The following AMPH variants were observed in gnomAD, a reference collection of about 807,000 sequenced individuals.
The protein encoded by AMPH is amphiphysin (Stiff-Mann syndrome with breast cancer 128kD autoantigen).
Under a neutral mutation model 99.1 loss-of-function variants are expected in AMPH, and 49 were observed. The observed-to-expected ratio is 0.49, with a 90% confidence interval of 0.39 to 0.63. The LOEUF (loss-of-function observed/expected upper bound fraction) is 0.63. Among genes scored for constraint, AMPH ranks in the 20% least tolerant of loss-of-function variants. The probability of loss-of-function intolerance (pLI) is 0.00; values close to 1 mark genes in which losing one functional copy is unlikely to be tolerated. For missense variants in AMPH, 759 were observed against 863.4 expected (o/e 0.88, Z 1.52); for synonymous variants, 314 against 317.3 (o/e 0.99, Z 0.11).
intron 1 of AMPH, among the ~76,000 whole-genome samples, chr7:38,582,723 C>G (rs564931797): frequency 1.3e-5 from 2 of 152,278 alleles, no homozygotes; most frequent in Middle Eastern, 3.4e-3. Flanking sequence ...AGTAGACAGA[C>G]AGACATGCAT....
At position 38,432,216 on chromosome 7, in the gene AMPH, A is replaced by C. The variant is rs374480670; in HGVS notation, c.1135-4T>G. ...TCCATAGGTCCCAGGGCAATGTCTG[A>C]AAGCAAATAAACAAAAATACTGTTA... On this transcript the variant is annotated splice_region_variant and splice_polypyrimidine_tract_variant and intron_variant, in intron 12 of 20. Coordinates refer to ENST00000356264, the MANE Select transcript of AMPH (RefSeq NM_001635.4). 2 of 1,612,008 alleles carry C rather than the reference A, an allele frequency of 1.2e-6. No individual in the cohort carries two copies. The highest frequency in any genetic ancestry group is 1.7e-6 in the Non-Finnish European group (2 of 1,178,106).
At chr7:38,598,154 A>G (rs1793122802) in intron 1 of AMPH, among the ~76,000 whole-genome samples, 1 of 152,300 alleles carries the variant, frequency 6.6e-6, no homozygotes, top group Middle Eastern at 3.4e-3. Flanking sequence ...TATATTTGTA[A>G]TATTTTAATA....
At chr7:38,512,659 G>C (rs938204952) in intron 2 of AMPH, among the ~76,000 whole-genome samples, 3 of 152,160 alleles carry the variant, frequency 2.0e-5, no homozygotes, top group African/African-American at 7.2e-5. Flanking sequence ...TCCTCTAGGA[G>C]TGATTTCTTA....
intron 11 of AMPH, among the ~76,000 whole-genome samples, chr7:38,450,398 G>A (rs565306383): frequency 1.4e-4 from 21 of 152,184 alleles, no homozygotes; most frequent in Admixed American, 2.0e-4. Flanking sequence ...TAAGGGGACC[G>A]TCATGCTTTT....
At chr7:38,559,485 AATAGGCTCAC>A (rs2129048414) in intron 1 of AMPH, among the ~76,000 whole-genome samples, 1 of 152,350 alleles carries the variant, frequency 6.6e-6, no homozygotes, top group Non-Finnish European at 1.5e-5. Context: ...CCTCACTGAC[AATAGGCTCAC>A]ATGACCAGCT....
intron 1 of AMPH, among the ~76,000 whole-genome samples, chr7:38,588,141 A>T (rs900478686): frequency 2.0e-4 from 31 of 151,958 alleles, no homozygotes; most frequent in African/African-American, 7.2e-4. Flanking sequence ...TTTTCTAGAG[A>T]TGGGGTTTGG....
intron 1 of AMPH, among the ~76,000 whole-genome samples, chr7:38,612,907 A>G (rs1793735691): frequency 6.6e-6 from 1 of 152,260 alleles, no homozygotes. Flanking sequence ...GGTTAAAAGC[A>G]TATAAATATA....
chr7:38,407,889 C>A (rs1249226348), intron 17 of AMPH, among the ~76,000 whole-genome samples: 1 of 152,104 alleles, frequency 6.6e-6, no homozygotes, highest in Non-Finnish European at 1.5e-5. Context: ...GATTCATAAG[C>A]AGGTTTCTGC....
chr7:38,576,313 T>C (rs1792239418), intron 1 of AMPH, among the ~76,000 whole-genome samples: 1 of 152,196 alleles, frequency 6.6e-6, no homozygotes, highest in Non-Finnish European at 1.5e-5. Context: ...ATAATTCTTT[T>C]TATTGGTCCT....
intron 2 of AMPH, among the ~76,000 whole-genome samples, chr7:38,516,268 CT>C (rs1433695395): frequency 5.3e-5 from 8 of 152,146 alleles, no homozygotes; most frequent in African/African-American, 1.9e-4. Context: ...GCCCTGAGGC[CT>C]AGAAGGAAAG....
chr7:38,596,248 A>G (rs1793055361), intron 1 of AMPH, among the ~76,000 whole-genome samples: 1 of 152,174 alleles, frequency 6.6e-6, no homozygotes, highest in South Asian at 2.1e-4. Context: ...GCCCTGTGGG[A>G]GAGAAGGAAT....
chr7:38,568,413 C>A (rs187195213), intron 1 of AMPH, among the ~76,000 whole-genome samples: 2 of 152,008 alleles, frequency 1.3e-5, no homozygotes, highest in African/African-American at 4.8e-5. Context: ...TGCAGTAAGC[C>A]AAGATTGTGC....
At chr7:38,451,353 T>C (rs1383637298) in intron 11 of AMPH, among the ~76,000 whole-genome samples, 3 of 151,132 alleles carry the variant, frequency 2.0e-5, no homozygotes, top group African/African-American at 7.3e-5. Context: ...ATATACGTTA[T>C]ATACACGTAT....
intron 11 of AMPH, among the ~76,000 whole-genome samples, chr7:38,443,620 T>C (rs916825913): frequency 6.6e-6 from 1 of 152,144 alleles, no homozygotes; most frequent in African/African-American, 2.4e-5. Flanking sequence ...TCTTAACAGA[T>C]GCAGCAGAGC....
intron 17 of AMPH, among the ~76,000 whole-genome samples, chr7:38,408,228 G>C (rs1233670932): frequency 2.0e-5 from 3 of 152,058 alleles, no homozygotes; most frequent in Non-Finnish European, 4.4e-5. Context: ...AATAATCTTT[G>C]GTTCCCAAGT....
chr7:38,405,366 C>A (rs187895926), intron 17 of AMPH, among the ~76,000 whole-genome samples: 1 of 152,066 alleles, frequency 6.6e-6, no homozygotes, highest in African/African-American at 2.4e-5. Context: ...CAATATTAAA[C>A]TTGAGCATAA....
intron 1 of AMPH, among the ~76,000 whole-genome samples, chr7:38,573,077 C>T (rs554483400): frequency 6.2e-4 from 95 of 152,188 alleles, no homozygotes; most frequent in African/African-American, 2.1e-3. Flanking sequence ...TTACATAGTC[C>T]GTACTCTCTT....
At chr7:38,409,933 A>G (rs2128984210) in intron 17 of AMPH, among the ~76,000 whole-genome samples, 1 of 152,352 alleles carries the variant, frequency 6.6e-6, no homozygotes, top group Non-Finnish European at 1.5e-5. Context: ...AGTGGATAGG[A>G]AAAGGGGACT....
chr7:38,628,755 G>T (rs2129073811), intron 1 of AMPH, among the ~76,000 whole-genome samples: 1 of 152,212 alleles, frequency 6.6e-6, no homozygotes, highest in South Asian at 2.1e-4. Context: ...GTAATTTGCT[G>T]GAGTTTTTTT....
Sources: allele counts gnomAD v4.1 joint callset (sites outside exome capture counted in the v4.1 genomes callset), GRCh38; gene constraint gnomAD v4.1.1; transcripts MANE v1.5; gene names NCBI Gene and HGNC (gene_info 2026-07-23, HGNC 2026-07-21).